Variants in TBXAS1 observed in about 807,000 individuals in gnomAD.
The protein encoded by TBXAS1 is thromboxane A synthase 1.
In TBXAS1, 48 loss-of-function variants were observed where a neutral mutation model predicts 60.7. The observed-to-expected ratio is 0.79, with a 90% confidence interval of 0.63 to 1.01. TBXAS1 has a LOEUF of 1.01. TBXAS1 is among the 50% of genes least tolerant of loss of function. The probability of loss-of-function intolerance (pLI) is 0.00; values close to 1 mark genes in which losing one functional copy is unlikely to be tolerated. For missense variants in TBXAS1, 685 were observed against 686.3 expected, an observed-to-expected ratio of 1.00 and a Z score of 0.02; for synonymous variants, 287 against 269.7, an observed-to-expected ratio of 1.06 and a Z score of -0.63.
rs551068491 is a variant in TBXAS1 at position 139,883,554 on chromosome 7, G to A, written c.236+7917G>A. On this transcript the variant is annotated intron_variant, in intron 3 of 12. Coordinates refer to ENST00000448866, the MANE Select transcript of TBXAS1 (RefSeq NM_001061.7). ...ACCTGTATTAATTCCCTCTTCTTTG[G>A]GTAGAAGCATCCAACAGGGCATGAT... Among the ~76,000 whole-genome samples, 10 of 152,226 alleles carry A rather than the reference G, an allele frequency of 6.6e-5. 1 individual carries two copies. Among genetic ancestry groups the A allele is most frequent in the Middle Eastern group, 6.8e-3 (2 of 294 alleles).
chr7:139,915,472 A>T (rs943260639), intron 4 of TBXAS1, among the ~76,000 whole-genome samples: 2 of 152,208 alleles, frequency 1.3e-5, no homozygotes, highest in Non-Finnish European at 2.9e-5. Flanking sequence ...ACCTCGGCAT[A>T]TTAGTTTGAT....
At chr7:139,802,893 C>T (rs1318852115) in intron 4 of TBXAS1, among the ~76,000 whole-genome samples, 4 of 152,208 alleles carry the variant, frequency 2.6e-5, no homozygotes, top group African/African-American at 9.7e-5. Context: ...AAGATGTGCT[C>T]CTCCTTTGCC....
intron 3 of TBXAS1, among the ~76,000 whole-genome samples, chr7:139,880,974 T>G (rs149536423): frequency 6.8e-4 from 103 of 152,352 alleles, no homozygotes; most frequent in African/African-American, 2.4e-3. Flanking sequence ...TGGTCACAAT[T>G]TTAAATCTTT....
chr7:139,951,951 A>AAG (rs1809390818), intron 5 of TBXAS1, among the ~76,000 whole-genome samples: 3 of 45,420 alleles, frequency 6.6e-5, no homozygotes, highest in African/African-American at 8.8e-5. Flanking sequence ...GAAAGAAAGA[A>AAG]AAGAAAGAAA....
intron 3 of TBXAS1, among the ~76,000 whole-genome samples, chr7:139,897,595 C>G (rs2116968859): frequency 6.6e-6 from 1 of 152,130 alleles, no homozygotes; most frequent in Non-Finnish European, 1.5e-5. Flanking sequence ...AGTGGGAGGT[C>G]CAAAGTCTGG....
intron 10 of TBXAS1, among the ~76,000 whole-genome samples, chr7:140,008,657 C>G (rs1814285704): frequency 6.6e-6 from 1 of 152,098 alleles, no homozygotes. Flanking sequence ...CCACGTTGGC[C>G]AGGCTGGTCT....
chr7:139,937,424 A>G lies in TBXAS1; in HGVS notation c.450+1117A>G, dbSNP rs181879238. On this transcript the variant is annotated intron_variant, in intron 5 of 12. Coordinates refer to ENST00000448866, the MANE Select transcript of TBXAS1 (RefSeq NM_001061.7). ...TAAATCTTCTGAAGTCCCCCAGAAG[A>G]GGAGGGGGTTCCACACCTCATTATA... is the stretch of plus-strand genomic sequence containing the variant. Among the ~76,000 whole-genome samples, 223 of 152,344 alleles carry G rather than the reference A, an allele frequency of 1.5e-3. 2 individuals are homozygous for G. In the Middle Eastern group the frequency reaches 0.024, roughly 16 times the overall value.
Position 139,870,917 on chromosome 7 carries a change from G to GTCTC in TBXAS1, c.90-1316_90-1313dup, listed in dbSNP as rs377643258. The stretch of plus-strand genomic sequence containing the variant: ...AACCTGGACAATATAGGGAGACCCT[G>GTCTC]TCTCTACAAAGAATCTGAAATACTA... On this transcript the variant is annotated intron_variant, in intron 1 of 12. Transcript: ENST00000448866. Among the ~76,000 whole-genome samples the GTCTC allele has an allele frequency of 2.5e-4, 38 of 152,280 alleles. No homozygotes were observed. In the East Asian group the frequency reaches 7.2e-3, roughly 29 times the overall value.
chr7:139,953,491 T>C, intron 6 of TBXAS1, 35 bp downstream of exon 6: 1 of 1,592,360 alleles, frequency 6.3e-7, no homozygotes. Context: ...GAAATCGAGT[T>C]TTTGAATCAC....
In TBXAS1 at chr7:140,017,676, C is replaced by T. The variant is rs200831963; in HGVS notation, c.1370C>T (p.Thr457Met). Reference protein sequence around the residue: ...SPETFNPERFTAEARQQHRPF... With the variant: ...SPETFNPERFMAEARQQHRPF... Reference sequence around the variant, plus strand: ...CTGACCACACGGACCTGCAGGTTCACGGCTGAGGCCCGGCAGCAGCACCGG... The same window carrying T: ...CTGACCACACGGACCTGCAGGTTCATGGCTGAGGCCCGGCAGCAGCACCGG... The change falls in exon 12 of 13, where the codon ACG (threonine) becomes ATG (methionine). Residue 457 changes from threonine (T) to methionine (M), a missense_variant. Thr to Met is a moderately conservative substitution (Grantham distance 81). Transcript: ENST00000448866. The T allele has an allele frequency of 9.9e-6, 16 of 1,612,794 alleles. No homozygotes were observed. Among genetic ancestry groups the T allele is most frequent in the South Asian group, 8.8e-5 (8 of 90,996 alleles).
In TBXAS1 at chr7:140,020,008, A is replaced by T. The variant is rs1585073137; in HGVS notation, c.1528-17A>T. 1.9e-6 allele frequency: 3 copies of T among 1,611,872 alleles called. No individual in the cohort carries two copies. Among genetic ancestry groups the T allele is most frequent in the Non-Finnish European group, 8.5e-7 (1 of 1,178,166 alleles). ...CTACTATCTCTTTGACAAATATTTT[A>T]ATTTTCTCTATTTTAGGTACCGCTG... On this transcript the variant is annotated splice_polypyrimidine_tract_variant and intron_variant, in intron 12 of 12. Coordinates refer to ENST00000448866, the MANE Select transcript of TBXAS1 (RefSeq NM_001061.7).
At position 139,916,215 on chromosome 7, in the gene TBXAS1, G is replaced by T. The variant is rs1805955768; in HGVS notation, c.333+4894G>T. Among the ~76,000 whole-genome samples, 1 of 152,204 alleles carries T rather than the reference G, an allele frequency of 6.6e-6. No individual in the cohort carries two copies. The highest frequency in any genetic ancestry group is 2.1e-4 in the South Asian group (1 of 4,830). On this transcript the variant is annotated intron_variant, in intron 4 of 12. Coordinates refer to ENST00000448866, the MANE Select transcript of TBXAS1 (RefSeq NM_001061.7). This position sits in a 1 kb window ranked among gnomAD's most constrained non-coding sequence, Gnocchi z 4.2. The stretch of plus-strand genomic sequence containing the variant: ...GCAGAAATGGTCACAACCAGAGGCA[G>T]AACTTCTTGTTCTTGGCCTCCTATC...
chr7:139,913,412 G>T, intron 4 of TBXAS1: 1 of 458,918 alleles, frequency 2.2e-6, no homozygotes, highest in Non-Finnish European at 4.0e-6. Flanking sequence ...AAGCAGTAAA[G>T]GTACTCCCAG....
chr7:139,948,887 AAATGATGG>A lies in TBXAS1; in HGVS notation c.451-4480_451-4473del, dbSNP rs1452237945. ...TGTAAAATGCAAGGAAGAAAACCTG[AAATGATGG>A]CTATTGGCCAACATACAGATTATGC... On this transcript the variant is annotated intron_variant, in intron 5 of 12. Coordinates refer to ENST00000448866, the MANE Select transcript of TBXAS1 (RefSeq NM_001061.7). Among the ~76,000 whole-genome samples the A allele has an allele frequency of 2.6e-5, 4 of 152,260 alleles. 1 individual carries two copies. Among genetic ancestry groups the A allele is most frequent in the Non-Finnish European group, 5.9e-5 (4 of 68,040 alleles).
chr7:139,785,701 G>A (rs1202077026), intron 3 of TBXAS1, among the ~76,000 whole-genome samples: 2 of 151,886 alleles, frequency 1.3e-5, no homozygotes, highest in Non-Finnish European at 2.9e-5. Context: ...AGAGATGTTC[G>A]GAGTCACCAT....
chr7:139,962,606 G>A, intron 9 of TBXAS1: 1 of 315,784 alleles, frequency 3.2e-6, no homozygotes, highest in Non-Finnish European at 6.1e-6. Flanking sequence ...AGGCAGGTGT[G>A]AGCCAGAAAG....
chr7:139,995,899 G>A (rs13221138), intron 9 of TBXAS1, among the ~76,000 whole-genome samples: 3,155 of 152,120 alleles, frequency 0.021, 43 homozygotes, highest in Non-Finnish European at 0.029. Context: ...GTCTCCCCTC[G>A]CTCCCTCTCA....
At chr7:139,906,327 A>G (rs1483235968) in intron 3 of TBXAS1, 1 of 158,408 alleles carries the variant, frequency 6.3e-6, no homozygotes, top group Non-Finnish European at 1.4e-5. Flanking sequence ...AAGTGCTGGA[A>G]TTACAGGCGC....
At chr7:139,986,207 G>A (rs765968923) in intron 9 of TBXAS1, among the ~76,000 whole-genome samples, 2 of 152,142 alleles carry the variant, frequency 1.3e-5, no homozygotes, top group Admixed American at 1.3e-4. Flanking sequence ...CATGGGCCAC[G>A]CTTTTTGCTG....
Sources: allele counts gnomAD v4.1 joint callset (sites outside exome capture counted in the v4.1 genomes callset), GRCh38; gene constraint gnomAD v4.1.1; non-coding constraint Gnocchi (gnomAD v3.1); transcripts MANE v1.5; gene names NCBI Gene and HGNC (gene_info 2026-07-23, HGNC 2026-07-21).